The following CHD1L variants were observed in gnomAD, a reference collection of about 807,000 sequenced individuals.
CHD1L encodes the protein chromodomain helicase DNA binding protein 1 like, also known as ATP-dependent chromatin remodeler CHD1L.
A neutral mutation model predicts 115.9 loss-of-function variants in CHD1L; 118 were observed. The ratio of observed to expected loss-of-function variants is 1.02; its 90% confidence interval spans 0.88 to 1.19. The LOEUF (loss-of-function observed/expected upper bound fraction) is 1.19. CHD1L is among the 50% of genes most tolerant of loss of function. The pLI, the probability that CHD1L is intolerant of heterozygous loss-of-function variation, is 0.00. For synonymous variants in CHD1L, 411 were observed against 387.1 expected (o/e 1.06, Z -0.72); for missense variants, 1,179 against 1,065.3 (o/e 1.11, Z -1.49).
the CHD1L span, among the ~76,000 whole-genome samples, chr1:147,212,027 T>G: frequency 2.6e-5 from 4 of 152,206 alleles, no homozygotes; most frequent in Non-Finnish European, 5.9e-5. Flanking sequence ...TGCTGGCCAA[T>G]TGAAGATCCT....
chr1:147,205,635 T>G, the CHD1L span, among the ~76,000 whole-genome samples: 1 of 152,148 alleles, frequency 6.6e-6, no homozygotes, highest in African/African-American at 2.4e-5. Flanking sequence ...ATTTGATCTT[T>G]GACAAACCTG....
At chr1:147,178,123 C>G in the CHD1L span, 2 of 1,591,236 alleles carry the variant, frequency 1.3e-6, no homozygotes, top group Non-Finnish European at 1.7e-6. Flanking sequence ...CATGTGCCTC[C>G]GCCGCCCAGC....
the CHD1L span, among the ~76,000 whole-genome samples, chr1:147,196,593 T>A: frequency 6.6e-6 from 1 of 152,148 alleles, no homozygotes; most frequent in Admixed American, 6.5e-5. Flanking sequence ...TGAAAAAATT[T>A]AAAAAAATTA....
At chr1:147,263,795 C>T (rs1403583824) in intron 6 of CHD1L, among the ~76,000 whole-genome samples, 2 of 152,026 alleles carry the variant, frequency 1.3e-5, no homozygotes, top group Non-Finnish European at 2.9e-5. Context: ...TCACCAGAAA[C>T]ATCCAGAAAT....
the CHD1L span, among the ~76,000 whole-genome samples, chr1:147,182,803 C>T: frequency 6.6e-6 from 1 of 152,126 alleles, no homozygotes; most frequent in Non-Finnish European, 1.5e-5. Flanking sequence ...TACCTTCTTT[C>T]TTGTACCAAG....
chr1:147,178,247 C>G, the CHD1L span: 1 of 1,613,592 alleles, frequency 6.2e-7, no homozygotes, highest in South Asian at 1.1e-5. Flanking sequence ...ACGGGCTCTG[C>G]GGGCCTCATG....
chr1:147,217,075 T>C, the CHD1L span, among the ~76,000 whole-genome samples: 1 of 151,962 alleles, frequency 6.6e-6, no homozygotes, highest in African/African-American at 2.4e-5. Flanking sequence ...ACCCTGTCTC[T>C]ACTAAAAATA....
At chr1:147,204,034 C>T in the CHD1L span, 1 of 1,182,898 alleles carries the variant, frequency 8.5e-7, no homozygotes, top group Non-Finnish European at 1.3e-6. Context: ...AATGAAGAGC[C>T]ATGTCTGCCA....
At chr1:147,254,155 A>C (rs1669285488) in intron 2 of CHD1L, among the ~76,000 whole-genome samples, 1 of 152,224 alleles carries the variant, frequency 6.6e-6, no homozygotes, top group South Asian at 2.1e-4. Flanking sequence ...CATTCAAGTC[A>C]TAAGTGTGTA....
At chr1:147,225,825 C>T in the CHD1L span, 1 of 152,154 alleles carries the variant, frequency 6.6e-6, no homozygotes, top group Non-Finnish European at 1.5e-5. Context: ...TTTATTCGGC[C>T]GGGAGCGTCG....
chr1:147,269,170 A>G (rs1675151691), intron 10 of CHD1L, among the ~76,000 whole-genome samples: 1 of 152,194 alleles, frequency 6.6e-6, no homozygotes, highest in African/African-American at 2.4e-5. Context: ...GTTTACCGTT[A>G]TCATTCCAAC....
chr1:147,250,369 T>A (rs1312474079), intron 1 of CHD1L, among the ~76,000 whole-genome samples: 6 of 152,232 alleles, frequency 3.9e-5, no homozygotes, highest in African/African-American at 1.4e-4. Flanking sequence ...CTTTGTCTGA[T>A]GCTGCTCTGG....
intron 15 of CHD1L, among the ~76,000 whole-genome samples, chr1:147,281,330 GTC>G (rs781835152): frequency 6.6e-6 from 1 of 152,152 alleles, no homozygotes; most frequent in Non-Finnish European, 1.5e-5. Flanking sequence ...CCACTGCATA[GTC>G]TCTGCCTGAC....
At chr1:147,259,314 T>C (rs1405038870) in intron 5 of CHD1L, 1 of 152,244 alleles carries the variant, frequency 6.6e-6, no homozygotes, top group Non-Finnish European at 1.5e-5. Context: ...GAGATTTGAC[T>C]CTGCTCACCA....
At chr1:147,262,419 C>G (rs186523751) in intron 6 of CHD1L, among the ~76,000 whole-genome samples, 1 of 152,256 alleles carries the variant, frequency 6.6e-6, no homozygotes, top group Non-Finnish European at 1.5e-5. Flanking sequence ...GTCTCTGAAT[C>G]TTTACCCAGT....
At chr1:147,293,483 C>T in intron 20 of CHD1L, 125 bp from the exon 21 acceptor site, 1 of 704,468 alleles carries the variant, frequency 1.4e-6, no homozygotes. Context: ...TCAGGCATAG[C>T]ATCCGAAAGA....
the CHD1L span, chr1:147,186,948 C>T: frequency 6.2e-7 from 1 of 1,614,170 alleles, no homozygotes; most frequent in Non-Finnish European, 8.5e-7. Context: ...CTAGCATAAA[C>T]TTGCCTATTG....
In CHD1L at chr1:147,285,492, G is replaced by A; in HGVS notation, c.2018+5G>A. ...AGAGGCTGAACATAAGAAAAAGTAT[G>A]TCTGCGTTAACCAAGCTGGCGGCCA... is the stretch of plus-strand genomic sequence containing the variant. On this transcript the variant is annotated splice_donor_5th_base_variant and intron_variant, in intron 17 of 22. Coordinates refer to ENST00000369258, the MANE Select transcript of CHD1L (RefSeq NM_004284.6). 1 of 1,608,306 alleles carries A rather than the reference G, an allele frequency of 6.2e-7. No homozygotes were observed. Among genetic ancestry groups the A allele is most frequent in the Non-Finnish European group, 8.5e-7 (1 of 1,178,342 alleles).
chr1:147,223,593 C>T, the CHD1L span: 935 of 156,058 alleles, frequency 6.0e-3, 4 homozygotes, highest in Middle Eastern at 9.6e-3. Context: ...AGGCGGCCCC[C>T]GCCCCTGCTA....
Sources: allele counts gnomAD v4.1 joint callset (sites outside exome capture counted in the v4.1 genomes callset), GRCh38; gene constraint gnomAD v4.1.1; transcripts MANE v1.5; gene names NCBI Gene and HGNC (gene_info 2026-07-23, HGNC 2026-07-21).